Variants in AP3D1 observed in about 807,000 individuals in gnomAD.
AP3D1 encodes the protein adaptor related protein complex 3 subunit delta 1, also known as AP-3 complex subunit delta-1.
Under a neutral mutation model 147.6 loss-of-function variants are expected in AP3D1, and 51 were observed. The observed-to-expected ratio is 0.35, with a 90% CI of 0.28 to 0.44. AP3D1 has a LOEUF of 0.44. Among genes scored for constraint, AP3D1 ranks in the 20% least tolerant of loss-of-function variants. The pLI, the probability that AP3D1 is intolerant of heterozygous loss-of-function variation, is 1.00. For missense variants in AP3D1, 1,421 were observed against 1,624.2 expected (o/e 0.87, Z 2.15); for synonymous variants, 760 against 663.0 (o/e 1.15, Z -2.25).
At chr19:2,103,508 G>C (rs926123468) in intron 31 of AP3D1, among the ~76,000 whole-genome samples, 1 of 152,204 alleles carries the variant, frequency 6.6e-6, no homozygotes, top group Non-Finnish European at 1.5e-5. Context: ...CGCGGGGAAA[G>C]CCACCCCGTG....
At chr19:2,105,832 G>A (rs1427450829) in intron 31 of AP3D1, among the ~76,000 whole-genome samples, 2 of 152,154 alleles carry the variant, frequency 1.3e-5, no homozygotes, top group Admixed American at 6.5e-5. Context: ...GCGGGGGCTC[G>A]TGCTTCTAAT....
chr19:2,125,716 A>G (rs2018735603), intron 9 of AP3D1, among the ~76,000 whole-genome samples: 2 of 152,124 alleles, frequency 1.3e-5, no homozygotes, highest in African/African-American at 4.8e-5. Context: ...TTAAACAGAA[A>G]TGTAGGCCGG....
chr19:2,114,119 C>T lies in AP3D1; in HGVS notation c.2601+6G>A, dbSNP rs1265838305. 2.6e-6 allele frequency: 4 copies of T among 1,553,752 alleles called. No homozygotes were observed. Among genetic ancestry groups the T allele is most frequent in the Non-Finnish European group, 3.5e-6 (4 of 1,148,670 alleles). ...AGAAGGCCGCCGCCCTGGGCACTAG[C>T]CTTACCTTCTTCTCCTTCTCCTTCT... is the stretch of plus-strand genomic sequence containing the variant. On this transcript the variant is annotated splice_donor_region_variant and intron_variant, in intron 22 of 31. Transcript: ENST00000643116.
chr19:2,148,918 T>C (rs1474118504), intron 1 of AP3D1, among the ~76,000 whole-genome samples: 1 of 152,232 alleles, frequency 6.6e-6, no homozygotes, highest in Non-Finnish European at 1.5e-5. Flanking sequence ...AGAGTCTTTG[T>C]TCCGGGTGCA....
intron 31 of AP3D1, among the ~76,000 whole-genome samples, chr19:2,103,204 C>T (rs1052076361): frequency 4.7e-5 from 7 of 149,792 alleles, no homozygotes; most frequent in Non-Finnish European, 8.8e-5. Flanking sequence ...TTTAATTTTG[C>T]GAATTTGCTA....
intron 1 of AP3D1, among the ~76,000 whole-genome samples, chr19:2,140,049 C>T (rs138956104): frequency 6.6e-5 from 10 of 152,108 alleles, no homozygotes; most frequent in African/African-American, 2.2e-4. Context: ...GAGTGCCACC[C>T]GATCCTCCAG....
Position 2,101,850 on chromosome 19 carries a change from G to T in AP3D1, c.*323C>A. 3 of 337,878 alleles carry T rather than the reference G, an allele frequency of 8.9e-6. No individual in the cohort carries two copies. Among genetic ancestry groups the T allele is most frequent in the Non-Finnish European group, 1.7e-5 (3 of 181,268 alleles). The allele number at this position is 337,878 out of a possible 1,614,324, so 20.9% of individuals were successfully genotyped here. A position where few individuals can be genotyped will look rare whatever the true frequency, so the allele number is the denominator to read the frequency against. On this transcript the variant is annotated 3_prime_UTR_variant, in exon 32 of 32. Coordinates refer to ENST00000643116, the MANE Select transcript of AP3D1 (RefSeq NM_001261826.3). ...TGGTGCCCATCAGGCCCTGGCCCAG[G>T]ACAGGAGCCCCTGAAGCCACATTCA...
At chr19:2,151,076 C>A (rs968120400) in intron 1 of AP3D1, among the ~76,000 whole-genome samples, 163 bp downstream of exon 1, 1 of 152,232 alleles carries the variant, frequency 6.6e-6, no homozygotes, top group African/African-American at 2.4e-5. Flanking sequence ...AGGAGGTGGG[C>A]GGCGCCCCAG....
chr19:2,160,374 C>T (rs983414538), intron 1 of AP3D1, among the ~76,000 whole-genome samples: 3 of 152,048 alleles, frequency 2.0e-5, no homozygotes, highest in African/African-American at 4.8e-5. Flanking sequence ...ACTAAAAATA[C>T]AAAAATCAGC....
At chr19:2,106,346 CCA>C in intron 31 of AP3D1, among the ~76,000 whole-genome samples, 3 of 151,960 alleles carry the variant, frequency 2.0e-5, no homozygotes, top group Non-Finnish European at 4.4e-5. Flanking sequence ...GTCAGGAGTT[CCA>C]CATCAGTCTG....
At chr19:2,123,741 T>C (rs1197151240) in intron 10 of AP3D1, 89 bp downstream of exon 10, 19 of 1,471,258 alleles carry the variant, frequency 1.3e-5, no homozygotes, top group Non-Finnish European at 1.8e-5. Context: ...ACCAGCACCT[T>C]GGTCACAGGG....
chr19:2,121,815 G>T lies in AP3D1; in HGVS notation c.1020C>A (p.Ser340=). 6.2e-7 allele frequency: 1 copy of T among 1,612,980 alleles called. No individual in the cohort carries two copies. Among genetic ancestry groups the T allele is most frequent in the South Asian group, 1.1e-5 (1 of 90,990 alleles). ...GGCACTGCAGGATGAGGTCCTTGTG[G>T]GACTGCACGGACTTGGGGTGGGTCT... ...ILKTHPKSVQ[S]HKDLILQCLD... The change falls in exon 12 of 32, where the codon TCC becomes TCA. Residue 340 remains serine (S), a synonymous_variant. Coordinates refer to ENST00000643116, the MANE Select transcript of AP3D1 (RefSeq NM_001261826.3).
At chr19:2,111,430 C>G in intron 25 of AP3D1, 98 bp from the exon 26 acceptor site, 1 of 1,472,214 alleles carries the variant, frequency 6.8e-7, no homozygotes, top group Non-Finnish European at 9.4e-7. Flanking sequence ...TGCCACGACT[C>G]CAAGAATGCT....
chr19:2,139,846 T>G (rs987703423), intron 1 of AP3D1, among the ~76,000 whole-genome samples: 2 of 152,118 alleles, frequency 1.3e-5, no homozygotes, highest in Non-Finnish European at 2.9e-5. Context: ...TCAGCCCCAC[T>G]GTAGCTGGCC....
At position 2,111,271 on chromosome 19, in the gene AP3D1, C is replaced by T. The variant is rs372984171; in HGVS notation, c.2985+14G>A. 62 of 1,613,674 alleles carry T rather than the reference C, an allele frequency of 3.8e-5. No individual in the cohort carries two copies. Among genetic ancestry groups the T allele is most frequent in the Non-Finnish European group, 4.7e-5 (55 of 1,179,934 alleles). The stretch of plus-strand genomic sequence containing the variant: ...GGCTGGCCCACCCTGCCCCTGGGAG[C>T]GGCTGCCACTCACCATTTTAACATA... On this transcript the variant is annotated intron_variant, in intron 26 of 31. Coordinates refer to ENST00000643116, the MANE Select transcript of AP3D1 (RefSeq NM_001261826.3).
intron 1 of AP3D1, among the ~76,000 whole-genome samples, chr19:2,145,825 T>C (rs1385703047): frequency 2.0e-5 from 3 of 151,968 alleles, no homozygotes; most frequent in South Asian, 2.1e-4. Context: ...AGGAGTAAAA[T>C]AGACAAAGAG....
Position 2,116,257 on chromosome 19 carries a change from C to T in AP3D1, c.2023G>A (p.Glu675Lys), listed in dbSNP as rs1323601579. 1.2e-6 allele frequency: 2 copies of T among 1,614,148 alleles called. No homozygotes were observed. The highest frequency in any genetic ancestry group is 8.5e-7 in the Non-Finnish European group (1 of 1,180,020). Reference sequence around the variant, plus strand: ...ATGTAGAAGGGGTTGTTGGCCTGCTCCTGCTTCCGGGCCTCTCGGCGCTGT... The same window carrying T: ...ATGTAGAAGGGGTTGTTGGCCTGCTTCTGCTTCCGGGCCTCTCGGCGCTGT... The part of the protein sequence containing the change: ...LARRREARKQ[E>K]QANNPFYIKS... The change falls in exon 18 of 32, where the codon GAG (glutamate) becomes AAG (lysine). Residue 675 changes from glutamate to lysine, a missense_variant. This residue lies in a region of AP3D1 where 791 missense variants were observed against 761.4 expected (regional missense o/e 1.04). Coordinates refer to ENST00000643116, the MANE Select transcript of AP3D1 (RefSeq NM_001261826.3).
intron 1 of AP3D1, among the ~76,000 whole-genome samples, chr19:2,157,839 A>T (rs1246606846): frequency 6.6e-6 from 1 of 152,226 alleles, no homozygotes; most frequent in Non-Finnish European, 1.5e-5. Flanking sequence ...GGGAAAAGTG[A>T]TCCAGGCAGA....
Position 2,115,429 on chromosome 19 carries a change from G to A in AP3D1, c.2150-11C>T, listed in dbSNP as rs748371015. On this transcript the variant is annotated splice_polypyrimidine_tract_variant and intron_variant, in intron 19 of 31. Transcript: ENST00000643116. ...CTGACATAGGCAGCCCTGCGGGCCG[G>A]CAGCGGGCAGCCACTCAGCACTGCA... 94 of 1,607,168 alleles carry A rather than the reference G, an allele frequency of 5.8e-5. No homozygotes were observed. The highest frequency in any genetic ancestry group is 7.4e-5 in the Non-Finnish European group (87 of 1,179,476).
Sources: gnomAD v4.1 joint callset for allele counts (sites outside exome capture counted in the v4.1 genomes callset) on GRCh38, gnomAD v4.1.1 for gene constraint, gnomAD v4.1.1 regional missense constraint, MANE v1.5 for transcripts, NCBI Gene and HGNC (gene_info 2026-07-23, HGNC 2026-07-21) for gene names.